BRD9: variants seen among roughly 807,000 people sequenced by gnomAD.
BRD9 encodes bromodomain containing 9.
A neutral mutation model predicts 68.7 loss-of-function variants in BRD9; 47 were observed. The ratio of observed to expected loss-of-function variants is 0.68; its 90% CI spans 0.54 to 0.87. BRD9 has a LOEUF of 0.87. BRD9 is among the 40% of genes least tolerant of loss of function. The pLI is 0.00. For synonymous variants in BRD9, 313 were observed against 293.9 expected (o/e 1.06, Z -0.67); for missense variants, 670 against 748.4 (o/e 0.90, Z 1.22).
At chr5:872,961 T>TA (rs574609096) in intron 12 of BRD9, among the ~76,000 whole-genome samples, 111 of 152,206 alleles carry the variant, frequency 7.3e-4, no homozygotes, top group African/African-American at 2.6e-3. Context: ...GGTCAGGAGT[T>TA]AAAGACCAGC....
chr5:865,600 A>G lies in BRD9; in HGVS notation c.1526-19T>C. ...ACCTTCCCTGTGTAAACAGGACATGACCCCACGTCGGCTGAGCTCAGCCGG... is the reference window on the plus strand; with the variant it reads ...ACCTTCCCTGTGTAAACAGGACATGGCCCCACGTCGGCTGAGCTCAGCCGG... On this transcript the variant is annotated intron_variant, in intron 14 of 15. Transcript: ENST00000467963. 6.4e-7 allele frequency: 1 copy of G among 1,568,300 alleles called. No homozygotes were observed. The highest frequency in any genetic ancestry group is 2.3e-5 in the East Asian group (1 of 43,728).
chr5:889,126 A>G lies in BRD9; in HGVS notation c.501T>C (p.Asp167=). 1 of 1,610,346 alleles carries G rather than the reference A, an allele frequency of 6.2e-7. No homozygotes were observed. ...PHGFFAFPVT[D]AIAPGYSMII... is the part of the protein sequence containing the mutation. ...TCATTGAATATCCAGGAGCAATTGCATCCGTGACAGGAAAAGCAAAAAATC... is the reference window on the plus strand; with the variant it reads ...TCATTGAATATCCAGGAGCAATTGCGTCCGTGACAGGAAAAGCAAAAAATC... The change falls in exon 5 of 16, where the codon GAT becomes GAC. Residue 167 remains aspartate, a synonymous_variant. Coordinates refer to ENST00000467963, the MANE Select transcript of BRD9 (RefSeq NM_023924.5).
chr5:876,246 G>A (rs1750905124), intron 11 of BRD9, 34 bp from the exon 12 acceptor site: 2 of 1,564,164 alleles, frequency 1.3e-6, no homozygotes, highest in Non-Finnish European at 1.8e-6. Flanking sequence ...ACGCTGAAAG[G>A]AGCCCTTGTC....
At chr5:888,767 C>G (rs1414456393) in intron 5 of BRD9, among the ~76,000 whole-genome samples, 1 of 152,210 alleles carries the variant, frequency 6.6e-6, no homozygotes, top group African/African-American at 2.4e-5. Context: ...CTATTTACGC[C>G]AGCGCAGTAA....
At chr5:883,869 C>G in intron 8 of BRD9, 69 bp downstream of exon 8, 1 of 1,571,488 alleles carries the variant, frequency 6.4e-7, no homozygotes, top group East Asian at 2.2e-5. Context: ...CAGCACCAAC[C>G]CAGAAGGAGA....
chr5:870,726 C>A (rs1488290263), intron 13 of BRD9, 151 bp from the exon 14 acceptor site: 1 of 593,682 alleles, frequency 1.7e-6, no homozygotes, highest in East Asian at 2.9e-5. Flanking sequence ...TTCACTGAGG[C>A]TGCTGTTCAA....
At chr5:890,375 G>T (rs1190328500) in intron 3 of BRD9, among the ~76,000 whole-genome samples, 1 of 152,090 alleles carries the variant, frequency 6.6e-6, no homozygotes. Flanking sequence ...AAGCCCAGCC[G>T]TCTGTTTCCC....
intron 7 of BRD9, 134 bp from the exon 8 acceptor site, chr5:884,204 CT>C: frequency 9.5e-7 from 1 of 1,050,552 alleles, no homozygotes; most frequent in Non-Finnish European, 1.4e-6. Flanking sequence ...TACTTAACTC[CT>C]TTTAGGTCTC....
intron 9 of BRD9, among the ~76,000 whole-genome samples, 163 bp downstream of exon 9, chr5:880,944 C>T (rs1366376505): frequency 6.6e-6 from 1 of 152,266 alleles, no homozygotes; most frequent in African/African-American, 2.4e-5. Flanking sequence ...TCCACACCTC[C>T]ACTCAGCGCA....
chr5:872,141 C>T (rs970007616), intron 12 of BRD9, among the ~76,000 whole-genome samples: 17 of 152,248 alleles, frequency 1.1e-4, no homozygotes, highest in African/African-American at 3.4e-4. Flanking sequence ...CCACAACTGT[C>T]GGCCTCCGTG....
intron 9 of BRD9, 149 bp downstream of exon 9, chr5:880,958 G>T: frequency 1.3e-6 from 1 of 774,390 alleles, no homozygotes; most frequent in Non-Finnish European, 2.1e-6. Flanking sequence ...CAGCGCACGT[G>T]TCACGTTGGG....
Position 884,082 on chromosome 5 carries a change from G to A in BRD9, c.834-12C>T. Reference sequence around the variant, plus strand: ...GCTCAAACATGCAGCTGTGAGGTGGGGACAACCAAGTCACCTGGAGGCAGC... The same window carrying A: ...GCTCAAACATGCAGCTGTGAGGTGGAGACAACCAAGTCACCTGGAGGCAGC... On this transcript the variant is annotated splice_polypyrimidine_tract_variant and intron_variant, in intron 7 of 15. Transcript: ENST00000467963. The A allele has an allele frequency of 6.2e-7, 1 of 1,610,968 alleles. No individual in the cohort carries two copies. Among genetic ancestry groups the A allele is most frequent in the Non-Finnish European group, 8.5e-7 (1 of 1,178,762 alleles).
intron 11 of BRD9, among the ~76,000 whole-genome samples, chr5:877,968 G>A (rs148588589): frequency 2.6e-5 from 4 of 152,292 alleles, no homozygotes; most frequent in Middle Eastern, 3.4e-3. Flanking sequence ...AGAGGGCTCG[G>A]GAGGAACCAG....
rs1752150673 is a variant in BRD9 at position 883,788 on chromosome 5, T to G, written c.966+150A>C. 4 of 1,102,570 alleles carry G rather than the reference T, an allele frequency of 3.6e-6. No homozygotes were observed. In the South Asian group the frequency reaches 6.2e-5, roughly 17 times the overall value. 68.3% of individuals were successfully genotyped at this position (1,102,570 alleles called of 1,614,324 possible). On this transcript the variant is annotated intron_variant, in intron 8 of 15. Transcript: ENST00000467963. ...CCCGACTGAAGAGACCAGCCTTATG[T>G]GTGTCTGATCCGGACCTCCCGTCAG...
Position 864,332 on chromosome 5 carries a change from C to A in BRD9, c.*136G>T. The A allele has an allele frequency of 9.1e-6, 6 of 656,686 alleles. No individual in the cohort carries two copies. Among genetic ancestry groups the A allele is most frequent in the Non-Finnish European group, 1.2e-5 (5 of 401,002 alleles). 40.7% of individuals were successfully genotyped at this position (656,686 alleles called of 1,614,324 possible). A position where few individuals can be genotyped will look rare whatever the true frequency, so the allele number is the denominator to read the frequency against. On this transcript the variant is annotated 3_prime_UTR_variant, in exon 16 of 16. Transcript: ENST00000467963. ...GACTCTGCTGACATGATACCACAGA[C>A]AATTCATTACCTCCCCGCGGCTGCT...
chr5:878,256 G>A, intron 11 of BRD9, 99 bp downstream of exon 11: 1 of 1,529,420 alleles, frequency 6.5e-7, no homozygotes. Context: ...CTGCAAGATG[G>A]CTCTCTCCCC....
intron 13 of BRD9, among the ~76,000 whole-genome samples, chr5:870,811 C>A (rs534068785): frequency 2.6e-4 from 39 of 152,326 alleles, no homozygotes; most frequent in African/African-American, 8.7e-4. Context: ...ACCAACAACG[C>A]AAACTAACAA....
At position 865,548 on chromosome 5, in the gene BRD9, C is replaced by T; in HGVS notation, c.1559G>A (p.Ser520Asn). 1 of 1,604,962 alleles carries T rather than the reference C, an allele frequency of 6.2e-7. No individual in the cohort carries two copies. The change falls in exon 15 of 16, where the codon AGC (serine) becomes AAC (asparagine). Residue 520 changes from serine (S) to asparagine (N), a missense_variant. Coordinates refer to ENST00000467963, the MANE Select transcript of BRD9 (RefSeq NM_023924.5). ...KVKKELDPDD[S>N]HLNLDETTKL... ...CGTCGTCTCATCCAAGTTCAAATGG[C>T]TGTCGTCAGGGTCCAGCTCCTTCTT... is the stretch of plus-strand genomic sequence containing the variant.
intron 11 of BRD9, among the ~76,000 whole-genome samples, 173 bp downstream of exon 11, chr5:878,182 G>A (rs1026089611): frequency 6.6e-6 from 1 of 152,204 alleles, no homozygotes. Context: ...TTCAGGACTG[G>A]CCTGTGGCAG....
Sources: allele counts gnomAD v4.1 joint callset (sites outside exome capture counted in the v4.1 genomes callset), GRCh38; gene constraint gnomAD v4.1.1; transcripts MANE v1.5; gene names NCBI Gene and HGNC (gene_info 2026-07-23, HGNC 2026-07-21).